SLC4A7: variants seen among roughly 807,000 people sequenced by gnomAD.
The protein encoded by SLC4A7 is solute carrier family 4 member 7.
SLC4A7 carries 51 observed loss-of-function variants against 137.6 expected under a neutral mutation model. The observed-to-expected ratio is 0.37, with a 90% CI of 0.30 to 0.47. SLC4A7 has a LOEUF of 0.47. Among genes scored for constraint, SLC4A7 ranks in the 20% least tolerant of loss-of-function variants. SLC4A7 has a pLI of 1.00. For synonymous variants in SLC4A7, 542 were observed against 518.6 expected (o/e 1.05, Z -0.61); for missense variants, 1,247 against 1,525.4 (o/e 0.82, Z 3.04).
intron 1 of SLC4A7, among the ~76,000 whole-genome samples, chr3:27,469,200 C>T (rs192453866): frequency 2.8e-4 from 43 of 152,306 alleles, no homozygotes; most frequent in Non-Finnish European, 5.4e-4. Flanking sequence ...CAATCATCAC[C>T]GTAGAAGATG....
chr3:27,479,064 G>A (rs1319847900), intron 1 of SLC4A7, among the ~76,000 whole-genome samples: 3 of 151,558 alleles, frequency 2.0e-5, no homozygotes, highest in Admixed American at 6.6e-5. Flanking sequence ...GCATATCAGC[G>A]CCAGATAAAA....
rs2052860179 is a variant in SLC4A7, at chr3:27,402,451, G to T, written c.2321+688C>A. On this transcript the variant is annotated intron_variant, in intron 15 of 25. Coordinates refer to ENST00000454389, the MANE Select transcript of SLC4A7 (RefSeq NM_001321103.2). ...ACAGTGGCTCACGCCTGTAATCCCA[G>T]CACTTTGGGAGGCCGAGGCAGGTGG... Among the ~76,000 whole-genome samples, 6 of 152,244 alleles carry T rather than the reference G, an allele frequency of 3.9e-5. No homozygotes were observed. The South Asian group carries it at 1.2e-3, about 32-fold the overall frequency.
At chr3:27,412,458 C>A (rs1231604333) in intron 11 of SLC4A7, among the ~76,000 whole-genome samples, 1 of 151,952 alleles carries the variant, frequency 6.6e-6, no homozygotes, top group Non-Finnish European at 1.5e-5. Context: ...ATCTGACATC[C>A]CAGGAGGTTT....
intron 13 of SLC4A7, among the ~76,000 whole-genome samples, chr3:27,407,111 T>C (rs60365710): frequency 7.0e-4 from 3 of 4,304 alleles, no homozygotes; most frequent in East Asian, 0.25. Flanking sequence ...TATGAAGACC[T>C]TTTTTTTTTT....
chr3:27,455,808 T>C (rs1025922587), intron 1 of SLC4A7, among the ~76,000 whole-genome samples: 2 of 151,894 alleles, frequency 1.3e-5, no homozygotes, highest in South Asian at 2.1e-4. Context: ...AGTGAGCGCA[T>C]AGAGCGCCAC....
chr3:27,411,801 G>A, intron 11 of SLC4A7, 53 bp from the exon 12 acceptor site: 4 of 883,376 alleles, frequency 4.5e-6, no homozygotes, highest in Non-Finnish European at 6.6e-6. Flanking sequence ...GAAAACTTGA[G>A]ATGGCATCTT....
chr3:27,399,793 A>G (rs755028895), intron 16 of SLC4A7, among the ~76,000 whole-genome samples: 176 of 152,206 alleles, frequency 1.2e-3, no homozygotes, highest in Non-Finnish European at 1.9e-3. Context: ...TAACATTTCC[A>G]TCACAGAAAT....
intron 11 of SLC4A7, among the ~76,000 whole-genome samples, chr3:27,412,606 A>G (rs57399891): frequency 0.032 from 4,842 of 152,286 alleles, 262 homozygotes; most frequent in African/African-American, 0.11. Context: ...CAAAATTTCA[A>G]TTTTCAAACT....
At chr3:27,446,885 GT>G (rs796773901) in intron 3 of SLC4A7, among the ~76,000 whole-genome samples, 38 of 35,792 alleles carry the variant, frequency 1.1e-3, no homozygotes, top group African/African-American at 2.4e-3. Flanking sequence ...GTTTTTTTTT[GT>G]TTTTTTTGTT....
Position 27,411,692 on chromosome 3 carries a change from A to C in SLC4A7, c.1716T>G (p.Thr572=). The part of the protein sequence containing the change: ...HNGSTPTLGE[T]PKEAAHHAGP... ...CAGCATGATGAGCGGCCTCTTTAGG[A>C]GTCTCACCCAGTGTGGGGGTAGATC... The change falls in exon 12 of 26, where the codon ACT becomes ACG. Residue 572 remains threonine, a synonymous_variant. Transcript: ENST00000454389. 1 of 1,562,696 alleles carries C rather than the reference A, an allele frequency of 6.4e-7. No individual in the cohort carries two copies.
chr3:27,414,311 T>C (rs1056891394), intron 11 of SLC4A7, among the ~76,000 whole-genome samples: 1 of 152,012 alleles, frequency 6.6e-6, no homozygotes, highest in African/African-American at 2.4e-5. Flanking sequence ...CAGTTGACTC[T>C]TGAATAAACA....
At chr3:27,476,349 C>A (rs1442244345) in intron 1 of SLC4A7, among the ~76,000 whole-genome samples, 1 of 152,246 alleles carries the variant, frequency 6.6e-6, no homozygotes, top group East Asian at 1.9e-4. Flanking sequence ...ACTCAAGGAA[C>A]CAAGGCAAGA....
chr3:27,411,454 T>A (rs1394631817), intron 12 of SLC4A7, among the ~76,000 whole-genome samples, 188 bp downstream of exon 12: 1 of 151,476 alleles, frequency 6.6e-6, no homozygotes, highest in African/African-American at 2.4e-5. Context: ...ATACATACTA[T>A]TAAAATTATT....
chr3:27,400,728 T>C (rs752201852), intron 16 of SLC4A7, 36 bp downstream of exon 16: 1 of 1,209,846 alleles, frequency 8.3e-7, no homozygotes. Flanking sequence ...CAGATCAATA[T>C]CTATTACAAA....
In SLC4A7 at chr3:27,436,443, G is replaced by A. The variant is rs1487949658; in HGVS notation, c.534C>T (p.Ile178=). The change falls in exon 5 of 26, where the codon ATC becomes ATT. Residue 178 remains isoleucine, a synonymous_variant. Transcript: ENST00000454389. The part of the protein sequence containing the change: ...LHSLFELRSC[I]LNGTVMLDMR... The stretch of plus-strand genomic sequence containing the variant: ...TATCCAGCATGACTGTTCCATTGAG[G>A]ATGCAACTCCTTAGTTCAAAAAGAC... The A allele has an allele frequency of 1.2e-6, 2 of 1,613,456 alleles. No individual in the cohort carries two copies. The highest frequency in any genetic ancestry group is 8.5e-7 in the Non-Finnish European group (1 of 1,179,620).
At chr3:27,439,465 G>C (rs1217615104) in intron 3 of SLC4A7, among the ~76,000 whole-genome samples, 2 of 152,016 alleles carry the variant, frequency 1.3e-5, no homozygotes, top group Non-Finnish European at 2.9e-5. Context: ...TTTAGGTCTT[G>C]CACAAATCTT....
intron 1 of SLC4A7, among the ~76,000 whole-genome samples, chr3:27,470,724 C>A (rs1295132709): frequency 6.6e-6 from 1 of 151,374 alleles, no homozygotes; most frequent in African/African-American, 2.4e-5. Flanking sequence ...AGGCGGCTCA[C>A]AAGGTCAGGA....
intron 3 of SLC4A7, among the ~76,000 whole-genome samples, chr3:27,447,428 T>C (rs1370168316): frequency 6.6e-6 from 1 of 152,168 alleles, no homozygotes; most frequent in African/African-American, 2.4e-5. Flanking sequence ...AACTATATTA[T>C]ACATAACAAC....
chr3:27,452,368 T>C (rs1464738812), intron 2 of SLC4A7, 49 bp downstream of exon 2: 5 of 1,183,202 alleles, frequency 4.2e-6, no homozygotes, highest in Admixed American at 2.3e-5. Flanking sequence ...AAAACATTAA[T>C]TAGTAAATTA....
Sources: gnomAD v4.1 joint callset for allele counts (sites outside exome capture counted in the v4.1 genomes callset) on GRCh38, gnomAD v4.1.1 for gene constraint, MANE v1.5 for transcripts, NCBI Gene and HGNC (gene_info 2026-07-23, HGNC 2026-07-21) for gene names.